The following HSPA12B variants were observed in gnomAD, a reference collection of about 807,000 sequenced individuals.
HSPA12B encodes heat shock 70 kDa protein 12B.
A neutral mutation model predicts 69.3 loss-of-function variants in HSPA12B; 54 were observed. The ratio of observed to expected loss-of-function variants is 0.78; its 90% CI spans 0.63 to 0.98. The LOEUF is 0.98. Among genes scored for constraint, HSPA12B ranks in the 50% least tolerant of loss-of-function variants. The probability of loss-of-function intolerance (pLI) is 0.00; values close to 1 mark genes in which losing one functional copy is unlikely to be tolerated. For synonymous variants in HSPA12B, 441 were observed against 436.5 expected (o/e 1.01, Z -0.13); for missense variants, 929 against 999.8 (o/e 0.93, Z 0.96).
chr20:3,748,208 C>A lies in HSPA12B; in HGVS notation c.676-9C>A. 6.5e-7 allele frequency: 1 copy of A among 1,539,108 alleles called. No homozygotes were observed. ...GTGCTGCCTGACCCTGCCCACCACC[C>A]ATCCCCAGGCTGGACTAGTGTCCCG... On this transcript the variant is annotated splice_polypyrimidine_tract_variant and intron_variant, in intron 7 of 12. Coordinates refer to ENST00000254963, the MANE Select transcript of HSPA12B (RefSeq NM_052970.5).
Position 3,745,675 on chromosome 20 carries a change from C to G in HSPA12B, c.558+78C>G, listed in dbSNP as rs1247896790. 1 of 1,300,956 alleles carries G rather than the reference C, an allele frequency of 7.7e-7. No homozygotes were observed. Among genetic ancestry groups the G allele is most frequent in the Non-Finnish European group, 1.1e-6 (1 of 907,624 alleles). The allele number at this position is 1,300,956 out of a possible 1,614,324, so 80.6% of individuals were successfully genotyped here. On this transcript the variant is annotated intron_variant, in intron 6 of 12. Coordinates refer to ENST00000254963, the MANE Select transcript of HSPA12B (RefSeq NM_052970.5). The surrounding 1 kb of genome is among the most constrained non-coding windows in gnomAD (Gnocchi z 5.6). ...CTCATCCGAAACCGCTCCCCCATCC[C>G]GTCCCCGACATTGGATGGGTAGCCA...
At chr20:3,734,788 G>A (rs1179681534) in intron 1 of HSPA12B, among the ~76,000 whole-genome samples, 1 of 146,296 alleles carries the variant, frequency 6.8e-6, no homozygotes, top group African/African-American at 2.5e-5. Context: ...CACCCAGGCT[G>A]GAGTGCAGTG....
rs772214713 is a variant in HSPA12B, at chr20:3,751,715, G to A, written c.1610G>A (p.Arg537His). The change falls in exon 13 of 13, where the codon CGC becomes CAC. Residue 537 changes from arginine to histidine, a missense_variant. Physicochemically the swap from Arg to His is conservative, Grantham distance 29. Around this residue, in one of 3 missense-constraint regions of HSPA12B, gnomAD observed 448 missense variants for 448.1 expected, o/e 1.00. Coordinates refer to ENST00000254963, the MANE Select transcript of HSPA12B (RefSeq NM_052970.5). ...FGQAPGVVRV[R>H]RSPLTYGVGV... ...CAGGCGCCGGGCGTGGTGCGGGTCCGCCGCTCGCCGCTCACCTATGGCGTG... is the reference window on the plus strand; with the variant it reads ...CAGGCGCCGGGCGTGGTGCGGGTCCACCGCTCGCCGCTCACCTATGGCGTG... The A allele has an allele frequency of 4.7e-6, 7 of 1,484,590 alleles. No homozygotes were observed. Among genetic ancestry groups the A allele is most frequent in the African/African-American group, 2.9e-5 (2 of 69,042 alleles). The allele number at this position is 1,484,590 out of a possible 1,614,324, so 92.0% of individuals were successfully genotyped here.
At chr20:3,742,045 G>A (rs2088210741) in intron 3 of HSPA12B, among the ~76,000 whole-genome samples, 1 of 152,108 alleles carries the variant, frequency 6.6e-6, no homozygotes, top group East Asian at 1.9e-4. Context: ...CAGGAAAGCA[G>A]GAGCTTGAGC....
At chr20:3,748,825 TC>T (rs1442975229) in intron 8 of HSPA12B, among the ~76,000 whole-genome samples, 1 of 151,608 alleles carries the variant, frequency 6.6e-6, no homozygotes, top group African/African-American at 2.4e-5. Context: ...AGCCCCAAGC[TC>T]CTGCTGCCAG....
In HSPA12B at chr20:3,745,571, C is replaced by A. The variant is rs777491646; in HGVS notation, c.532C>A (p.Arg178Ser). Residue 178 changes from arginine to serine, a missense_variant, in exon 6 of 13, where the codon CGC (arginine) becomes AGC (serine). Arg to Ser is a moderately radical substitution (Grantham distance 110). Around this residue, in one of 3 missense-constraint regions of HSPA12B, gnomAD observed 477 missense variants for 535.2 expected, o/e 0.89. Transcript: ENST00000254963. This position sits in a 1 kb window ranked among gnomAD's most constrained non-coding sequence, Gnocchi z 5.6. ...CCTGGAGGTGTTCGCCCATGCCCTG[C>A]GCTTCTTCAGGGAGCACGCCCTTCA... ...PALEVFAHAL[R>S]FFREHALQEL... is the part of the protein sequence containing the mutation. 15 of 1,614,128 alleles carry A rather than the reference C, an allele frequency of 9.3e-6. No individual in the cohort carries two copies. In the South Asian group the frequency reaches 1.6e-4, roughly 18 times the overall value.
chr20:3,734,957 C>T (rs13036736), intron 1 of HSPA12B, among the ~76,000 whole-genome samples: 7 of 151,752 alleles, frequency 4.6e-5, no homozygotes, highest in African/African-American at 1.7e-4. Flanking sequence ...AGGCTGGTCT[C>T]GAACTCCTGA....
chr20:3,749,212 T>C lies in HSPA12B; in HGVS notation c.851-20T>C. The C allele has an allele frequency of 1.9e-6, 3 of 1,607,364 alleles. No individual in the cohort carries two copies. Among genetic ancestry groups the C allele is most frequent in the Non-Finnish European group, 2.6e-6 (3 of 1,176,372 alleles). ...AGCACCTCCTTCTAATCTCACTCCC[T>C]GCTGTCTCCTGACCCCCAGCTCGGG... On this transcript the variant is annotated intron_variant, in intron 8 of 12. Coordinates refer to ENST00000254963, the MANE Select transcript of HSPA12B (RefSeq NM_052970.5). This position sits in a 1 kb window ranked among gnomAD's most constrained non-coding sequence, Gnocchi z 5.5.
chr20:3,742,533 C>T (rs1568473996), intron 4 of HSPA12B, 125 bp downstream of exon 4: 1 of 735,552 alleles, frequency 1.4e-6, no homozygotes, highest in South Asian at 2.0e-5. Context: ...CAGTCTGGGG[C>T]TCCCCACTGG....
In HSPA12B at chr20:3,752,150, ACTTT is replaced by A; in HGVS notation, c.2051_2054del (p.Leu684ProfsTer34). On this transcript the variant is annotated frameshift_variant, in exon 13 of 13. Transcript: ENST00000254963. LOFTEE classifies it high-confidence loss of function. ...AATCGCTCCGTGCGCGCGTCCATCG[ACTTT>A]CTTTCCAACTGAGGGCGCGCCGGCG... is the stretch of plus-strand genomic sequence containing the variant. 1 of 1,456,738 alleles carries A rather than the reference ACTTT, an allele frequency of 6.9e-7. No individual in the cohort carries two copies. The highest frequency in any genetic ancestry group is 9.0e-7 in the Non-Finnish European group (1 of 1,111,798). The allele number at this position is 1,456,738 out of a possible 1,614,324, so 90.2% of individuals were successfully genotyped here.
intron 1 of HSPA12B, among the ~76,000 whole-genome samples, chr20:3,733,828 C>A (rs1254434856): frequency 6.6e-6 from 1 of 152,144 alleles, no homozygotes; most frequent in Non-Finnish European, 1.5e-5. Context: ...GAGCAGCAGG[C>A]GGAAGAGGCA....
rs757174866 is a variant in HSPA12B at position 3,752,134 on chromosome 20, G to A, written c.2029G>A (p.Val677Met). The A allele has an allele frequency of 9.5e-6, 14 of 1,470,656 alleles. No individual in the cohort carries two copies. The highest frequency in any genetic ancestry group is 7.3e-5 in the Admixed American group (3 of 40,914). The allele number at this position is 1,470,656 out of a possible 1,614,324, so 91.1% of individuals were successfully genotyped here. ...TAVDVSTNRSVRASIDFLSN is the reference protein window; with the variant it reads ...TAVDVSTNRSMRASIDFLSN ...CGTCGACGTCAGCACCAATCGCTCC[G>A]TGCGCGCGTCCATCGACTTTCTTTC... The change falls in exon 13 of 13, where the codon GTG becomes ATG. Residue 677 changes from valine to methionine, a missense_variant. By Grantham distance (21) the Val-to-Met change is conservative. Coordinates refer to ENST00000254963, the MANE Select transcript of HSPA12B (RefSeq NM_052970.5).
chr20:3,750,979 AG>A, intron 12 of HSPA12B, 72 bp downstream of exon 12: 1 of 1,277,950 alleles, frequency 7.8e-7, no homozygotes, highest in Admixed American at 1.7e-5. Flanking sequence ...CCCCCCCATC[AG>A]TGCCTAGATA....
chr20:3,742,338 G>T lies in HSPA12B; in HGVS notation c.196G>T (p.Asp66Tyr). 6.2e-7 allele frequency: 1 copy of T among 1,614,140 alleles called. No individual in the cohort carries two copies. The highest frequency in any genetic ancestry group is 1.1e-5 in the South Asian group (1 of 91,076). The stretch of plus-strand genomic sequence containing the variant: ...CTCCTTCTCTGTGGTGGTGGCCATT[G>T]ACTTCGGCACCACGTCTAGTGGCTA... ...QASFSVVVAIDFGTTSSGYAF... is the reference protein window; with the variant it reads ...QASFSVVVAIYFGTTSSGYAF... The change falls in exon 4 of 13, where the codon GAC becomes TAC. Residue 66 changes from aspartate to tyrosine, a missense_variant. Asp to Tyr is a radical substitution (Grantham distance 160, BLOSUM62 -3). Around this residue, in one of 3 missense-constraint regions of HSPA12B, gnomAD observed 477 missense variants for 535.2 expected, o/e 0.89. Transcript: ENST00000254963.
chr20:3,734,333 G>A (rs560345216), intron 1 of HSPA12B, among the ~76,000 whole-genome samples: 2 of 152,224 alleles, frequency 1.3e-5, no homozygotes, highest in Non-Finnish European at 2.9e-5. Flanking sequence ...AGGGCCAGGG[G>A]TCAGGGTGAA....
In HSPA12B at chr20:3,745,202, G is replaced by C. The variant is rs1476089693; in HGVS notation, c.453+114G>C. The C allele has an allele frequency of 1.2e-5, 12 of 981,702 alleles. No homozygotes were observed. The highest frequency in any genetic ancestry group is 1.8e-5 in the Non-Finnish European group (12 of 657,528). The allele number at this position is 981,702 out of a possible 1,614,324, so 60.8% of individuals were successfully genotyped here. ...TGAGGACCGGCCCGATGGAGTCGTG[G>C]CTGAGAGGGGGCGGGGCTAAAGGGA... On this transcript the variant is annotated intron_variant, in intron 5 of 12. Coordinates refer to ENST00000254963, the MANE Select transcript of HSPA12B (RefSeq NM_052970.5). This position sits in a 1 kb window ranked among gnomAD's most constrained non-coding sequence, Gnocchi z 5.6.
In HSPA12B at chr20:3,752,146, A is replaced by T; in HGVS notation, c.2041A>T (p.Ile681Phe). The T allele has an allele frequency of 6.9e-7, 1 of 1,459,176 alleles. No individual in the cohort carries two copies. Among genetic ancestry groups the T allele is most frequent in the Non-Finnish European group, 9.0e-7 (1 of 1,112,970 alleles). The allele number at this position is 1,459,176 out of a possible 1,614,324, so 90.4% of individuals were successfully genotyped here. A position where few individuals can be genotyped will look rare whatever the true frequency, so the allele number is the denominator to read the frequency against. Residue 681 changes from isoleucine to phenylalanine, a missense_variant, in exon 13 of 13, where the codon ATC becomes TTC. Ile to Phe is a conservative substitution (Grantham distance 21). Transcript: ENST00000254963. ...CACCAATCGCTCCGTGCGCGCGTCC[A>T]TCGACTTTCTTTCCAACTGAGGGCG... ...VSTNRSVRAS[I>F]DFLSN is the part of the protein sequence containing the mutation.
In HSPA12B at chr20:3,745,044, T is replaced by C; in HGVS notation, c.409T>C (p.Trp137Arg). 8 of 1,613,768 alleles carry C rather than the reference T, an allele frequency of 5.0e-6. No individual in the cohort carries two copies. The highest frequency in any genetic ancestry group is 6.8e-6 in the Non-Finnish European group (8 of 1,179,966). ...CCTGGACCCCGAAGAGGCGCGGGAC[T>C]GGCTCTACTTCGAGAAGTTCAAGAT... ...HDLDPEEARD[W>R]LYFEKFKMKI... Residue 137 changes from tryptophan to arginine, a missense_variant, in exon 5 of 13, where the codon TGG becomes CGG. By Grantham distance (101) the Trp-to-Arg change is moderately radical. This residue lies in a region of HSPA12B where 477 missense variants were observed against 535.2 expected (regional missense o/e 0.89). Transcript: ENST00000254963. The surrounding 1 kb of genome is among the most constrained non-coding windows in gnomAD (Gnocchi z 5.6).
Position 3,745,858 on chromosome 20 carries a change from C to A in HSPA12B, c.559-57C>A. 6.8e-7 allele frequency: 1 copy of A among 1,463,452 alleles called. No homozygotes were observed. The highest frequency in any genetic ancestry group is 9.6e-7 in the Non-Finnish European group (1 of 1,042,850). 90.7% of individuals were successfully genotyped at this position (1,463,452 alleles called of 1,614,324 possible). On this transcript the variant is annotated intron_variant, in intron 6 of 12. Coordinates refer to ENST00000254963, the MANE Select transcript of HSPA12B (RefSeq NM_052970.5). The surrounding 1 kb of genome is among the most constrained non-coding windows in gnomAD (Gnocchi z 5.6). ...TTAGTACCTCCAGTTCCGCAGAGGG[C>A]TGAAGACCACCCTCCCTCCAAGCCA...
Sources: gnomAD v4.1 joint callset for allele counts (sites outside exome capture counted in the v4.1 genomes callset) on GRCh38, gnomAD v4.1.1 for gene constraint, gnomAD v4.1.1 regional missense constraint, Gnocchi (gnomAD v3.1) non-coding constraint, MANE v1.5 for transcripts, NCBI Gene and HGNC (gene_info 2026-07-23, HGNC 2026-07-21) for gene names.